Variants in UBE2E3 observed in about 807,000 individuals in gnomAD.
The protein encoded by UBE2E3 is ubiquitin conjugating enzyme E2 E3.
A neutral mutation model predicts 23.6 loss-of-function variants in UBE2E3; 5 were observed. The ratio of observed to expected loss-of-function variants is 0.21; its 90% CI spans 0.11 to 0.44. UBE2E3 has a LOEUF of 0.44. Among genes scored for constraint, UBE2E3 ranks in the 20% least tolerant of loss-of-function variants. The probability of loss-of-function intolerance (pLI) is 0.99; values close to 1 mark genes in which losing one functional copy is unlikely to be tolerated. For synonymous variants in UBE2E3, 78 were observed against 87.5 expected (o/e 0.89, Z 0.60); for missense variants, 81 against 249.8 (o/e 0.32, Z 4.55).
At chr2:181,061,692 G>A (rs1028120367) in intron 5 of UBE2E3, among the ~76,000 whole-genome samples, 1 of 151,240 alleles carries the variant, frequency 6.6e-6, no homozygotes, top group Admixed American at 6.6e-5. Context: ...CCTGCCACAT[G>A]TGAACTTCAG....
intron 3 of UBE2E3, among the ~76,000 whole-genome samples, chr2:181,036,966 A>G (rs1686311042): frequency 6.6e-6 from 1 of 152,180 alleles, no homozygotes; most frequent in African/African-American, 2.4e-5. Context: ...TTAAGCGAAG[A>G]CTTACTGTAT....
chr2:181,057,924 C>A, intron 4 of UBE2E3, 99 bp downstream of exon 4: 1 of 1,237,210 alleles, frequency 8.1e-7, no homozygotes, highest in Non-Finnish European at 1.1e-6. Context: ...ATTTTGATTT[C>A]ATTGCTTTTC....
chr2:180,990,528 T>G (rs192795733), intron 3 of UBE2E3, among the ~76,000 whole-genome samples: 1 of 152,238 alleles, frequency 6.6e-6, no homozygotes, highest in Non-Finnish European at 1.5e-5. Flanking sequence ...AGTTTACATA[T>G]GTCTTATATT....
At chr2:181,029,986 A>T (rs893012863) in intron 3 of UBE2E3, among the ~76,000 whole-genome samples, 8 of 151,638 alleles carry the variant, frequency 5.3e-5, no homozygotes, top group Non-Finnish European at 1.0e-4. Context: ...GGCGCCCGCC[A>T]CCATGCCTGG....
At chr2:181,020,556 AT>A (rs1235251325) in intron 3 of UBE2E3, among the ~76,000 whole-genome samples, 7 of 152,204 alleles carry the variant, frequency 4.6e-5, no homozygotes, top group Non-Finnish European at 1.0e-4. Flanking sequence ...TAAAACTAGA[AT>A]TATTTCCTTT....
At chr2:181,017,750 A>G (rs1354658817) in intron 3 of UBE2E3, among the ~76,000 whole-genome samples, 2 of 148,472 alleles carry the variant, frequency 1.3e-5, no homozygotes, top group Non-Finnish European at 3.0e-5. Context: ...TTGTTTAAGT[A>G]ATAGTTAGAT....
At chr2:180,983,929 T>G in intron 2 of UBE2E3, 114 bp from the exon 3 acceptor site, 2 of 730,342 alleles carry the variant, frequency 2.7e-6, no homozygotes, top group Non-Finnish European at 4.4e-6. Context: ...TTAGCATTAC[T>G]GAAGGCAGAG....
intron 3 of UBE2E3, among the ~76,000 whole-genome samples, chr2:181,030,630 G>A (rs1388788884): frequency 6.6e-6 from 1 of 152,190 alleles, no homozygotes; most frequent in East Asian, 1.9e-4. Flanking sequence ...AGCGTTTTAA[G>A]AGTGGAATGA....
At chr2:181,043,746 A>G (rs982553518) in intron 3 of UBE2E3, among the ~76,000 whole-genome samples, 3 of 152,180 alleles carry the variant, frequency 2.0e-5, no homozygotes, top group Non-Finnish European at 4.4e-5. Context: ...CACATATACA[A>G]ATTGTTTACA....
In UBE2E3 at chr2:181,011,884, C is replaced by T. The variant is rs532182064; in HGVS notation, c.245+27791C>T. ...CATTTTTTCCAGTTACTTAATTTCA[C>T]TTTAAGAATAGTGATTTTTATTTGT... On this transcript the variant is annotated intron_variant, in intron 3 of 5. Transcript: ENST00000410062. Among the ~76,000 whole-genome samples the T allele has an allele frequency of 2.6e-5, 4 of 152,214 alleles. No homozygotes were observed. In the South Asian group the frequency reaches 8.3e-4, roughly 32 times the overall value.
intron 4 of UBE2E3, among the ~76,000 whole-genome samples, chr2:181,060,252 CT>C (rs1310770074): frequency 6.6e-6 from 1 of 151,418 alleles, no homozygotes; most frequent in Non-Finnish European, 1.5e-5. Flanking sequence ...ACTGATGTAA[CT>C]TTTATGTTTT....
intron 3 of UBE2E3, among the ~76,000 whole-genome samples, chr2:181,054,611 C>T (rs1376454393): frequency 2.0e-5 from 3 of 151,760 alleles, no homozygotes; most frequent in Non-Finnish European, 4.4e-5. Flanking sequence ...AATGGTTCAT[C>T]GTATATTTTT....
At chr2:181,031,465 G>A (rs1055095707) in intron 3 of UBE2E3, among the ~76,000 whole-genome samples, 3 of 151,892 alleles carry the variant, frequency 2.0e-5, no homozygotes, top group Admixed American at 6.6e-5. Flanking sequence ...TATTTTTACC[G>A]TTTTTGTTTT....
chr2:181,056,826 G>A (rs1187576049), intron 3 of UBE2E3, among the ~76,000 whole-genome samples: 2 of 151,764 alleles, frequency 1.3e-5, no homozygotes. Flanking sequence ...TAACTAAGCA[G>A]TAGGAAAATT....
At chr2:181,044,044 TA>T (rs982111494) in intron 3 of UBE2E3, among the ~76,000 whole-genome samples, 3 of 152,256 alleles carry the variant, frequency 2.0e-5, no homozygotes, top group Admixed American at 6.5e-5. Flanking sequence ...TGGGATTACT[TA>T]ATCAAATGAC....
Position 180,980,954 on chromosome 2 carries a change from G to C in UBE2E3, c.-45G>C, listed in dbSNP as rs1431274513. On this transcript the variant is annotated 5_prime_UTR_variant, in exon 1 of 6. Transcript: ENST00000410062. The surrounding 1 kb of genome is among the most constrained non-coding windows in gnomAD (Gnocchi z 5.5). ...CCCCACACCGTAGCGGCGCGCGAGC[G>C]GGCCGGGCGGGCGGCCGAGGTAAGG... 21 of 147,218 alleles carry C rather than the reference G, an allele frequency of 1.4e-4. No homozygotes were observed. The highest frequency in any genetic ancestry group is 4.1e-4 in the Admixed American group (6 of 14,804). The allele number at this position is 147,218 out of a possible 1,614,324, so 9.1% of individuals were successfully genotyped here.
At chr2:181,033,678 A>G (rs1686164466) in intron 3 of UBE2E3, among the ~76,000 whole-genome samples, 1 of 152,184 alleles carries the variant, frequency 6.6e-6, no homozygotes, top group Admixed American at 6.5e-5. Context: ...AAATAGACAA[A>G]TGGGATCTCA....
chr2:181,028,148 A>C (rs992032107), intron 3 of UBE2E3, among the ~76,000 whole-genome samples: 1 of 152,128 alleles, frequency 6.6e-6, no homozygotes, highest in African/African-American at 2.4e-5. Context: ...TATACATTAC[A>C]TAATGTAATT....
chr2:181,000,571 T>C (rs944444784), intron 3 of UBE2E3, among the ~76,000 whole-genome samples: 4 of 151,710 alleles, frequency 2.6e-5, no homozygotes, highest in Admixed American at 1.3e-4. Context: ...TTTTTTTTTT[T>C]TGAGACAGAG....
Sources: gnomAD v4.1 joint callset for allele counts (sites outside exome capture counted in the v4.1 genomes callset) on GRCh38, gnomAD v4.1.1 for gene constraint, Gnocchi (gnomAD v3.1) non-coding constraint, MANE v1.5 for transcripts, NCBI Gene and HGNC (gene_info 2026-07-23, HGNC 2026-07-21) for gene names.